The following GPHN variants were observed in gnomAD, a reference collection of about 807,000 sequenced individuals.
The protein encoded by GPHN is gephyrin.
In GPHN, 17 loss-of-function variants were observed where a neutral mutation model predicts 95.5. The ratio of observed to expected loss-of-function variants is 0.18; its 90% CI spans 0.12 to 0.27. GPHN has a LOEUF of 0.27. GPHN is among the 10% of genes least tolerant of loss of function. GPHN has a pLI of 1.00. For synonymous variants in GPHN, 320 were observed against 322.5 expected, an observed-to-expected ratio of 0.99 and a Z score of 0.08; for missense variants, 660 against 978.1, an observed-to-expected ratio of 0.67 and a Z score of 4.34.
intron 10 of GPHN, among the ~76,000 whole-genome samples, chr14:67,044,662 T>C (rs1467455132): frequency 6.6e-6 from 1 of 152,180 alleles, no homozygotes; most frequent in Non-Finnish European, 1.5e-5. Flanking sequence ...GTTGTTGTTT[T>C]AAAAGCATAC....
the GPHN span, chr14:67,320,314 T>C: frequency 1.9e-6 from 3 of 1,614,062 alleles, no homozygotes; most frequent in Non-Finnish European, 2.5e-6. Context: ...ATCATCTTGA[T>C]TGGTCCACAG....
chr14:67,475,194 C>T, the GPHN span, among the ~76,000 whole-genome samples: 15 of 152,264 alleles, frequency 9.9e-5, no homozygotes, highest in African/African-American at 3.1e-4. Context: ...GGATTACAGG[C>T]GTGAGCCACT....
At chr14:67,356,676 A>G in the GPHN span, among the ~76,000 whole-genome samples, 6 of 152,260 alleles carry the variant, frequency 3.9e-5, no homozygotes, top group East Asian at 3.9e-4. Context: ...GACTTTCCCA[A>G]TGCTCAAACT....
chr14:66,923,403 T>G (rs1056986361), intron 7 of GPHN, among the ~76,000 whole-genome samples: 2 of 152,126 alleles, frequency 1.3e-5, no homozygotes, highest in South Asian at 2.1e-4. Context: ...ATTGTTGAAT[T>G]TTTCTTAACT....
chr14:67,062,379 C>G (rs956365167), intron 11 of GPHN, among the ~76,000 whole-genome samples: 6 of 152,230 alleles, frequency 3.9e-5, no homozygotes, highest in Admixed American at 6.5e-5. Flanking sequence ...TCTGCAAACA[C>G]TCTAACACCT....
At chr14:67,230,085 TTTC>T in the GPHN span, among the ~76,000 whole-genome samples, 1 of 152,204 alleles carries the variant, frequency 6.6e-6, no homozygotes, top group African/African-American at 2.4e-5. Context: ...TAGAAACTGT[TTTC>T]TTCATACAGA....
At chr14:66,603,683 A>G (rs1595187786) in intron 1 of GPHN, among the ~76,000 whole-genome samples, 1 of 152,104 alleles carries the variant, frequency 6.6e-6, no homozygotes, top group East Asian at 1.9e-4. Context: ...TATCTTAGAT[A>G]TTATCAAATG....
the GPHN span, among the ~76,000 whole-genome samples, chr14:67,324,632 T>C: frequency 6.6e-6 from 1 of 152,126 alleles, no homozygotes; most frequent in African/African-American, 2.4e-5. Context: ...TTGCCCAGGC[T>C]GGAGTGTAGT....
chr14:67,595,160 A>T, the GPHN span, among the ~76,000 whole-genome samples: 4 of 152,188 alleles, frequency 2.6e-5, no homozygotes, highest in South Asian at 6.2e-4. Context: ...TAAAAAAAAT[A>T]AAAAAGAACA....
chr14:67,005,947 A>T (rs2072576358), intron 9 of GPHN, among the ~76,000 whole-genome samples: 1 of 151,666 alleles, frequency 6.6e-6, no homozygotes, highest in Non-Finnish European at 1.5e-5. Flanking sequence ...AAAAGTAGGT[A>T]TATTGGTACT....
chr14:66,653,209 A>G lies in GPHN; in HGVS notation c.65-27898A>G, dbSNP rs111520587. Among the ~76,000 whole-genome samples the G allele has an allele frequency of 3.7e-3, 556 of 152,258 alleles. 12 individuals carry two copies. The highest frequency in any genetic ancestry group is 0.013 in the African/African-American group (530 of 41,566). ...CTTTCAGTGTTTTCTTTAAAAAGAA[A>G]GTGTGATGGTTTACTGGATATTTTG... On this transcript the variant is annotated intron_variant, in intron 1 of 22. Coordinates refer to ENST00000478722, the MANE Select transcript of GPHN (RefSeq NM_020806.5).
At chr14:66,554,900 G>A (rs2059950220) in intron 1 of GPHN, among the ~76,000 whole-genome samples, 1 of 152,144 alleles carries the variant, frequency 6.6e-6, no homozygotes, top group Admixed American at 6.5e-5. Context: ...ATTATGAAGG[G>A]CATTTTAAAT....
the GPHN span, among the ~76,000 whole-genome samples, chr14:67,297,937 T>C: frequency 6.6e-6 from 1 of 152,194 alleles, no homozygotes; most frequent in Non-Finnish European, 1.5e-5. Context: ...GTACATATTA[T>C]CTAGGCAAAT....
the GPHN span, among the ~76,000 whole-genome samples, chr14:67,218,353 G>A: frequency 6.6e-6 from 1 of 152,188 alleles, no homozygotes; most frequent in African/African-American, 2.4e-5. Flanking sequence ...GTGATCTGGG[G>A]GCATGTTTAC....
At chr14:67,003,221 TTA>T (rs1028232890) in intron 9 of GPHN, among the ~76,000 whole-genome samples, 117 of 151,782 alleles carry the variant, frequency 7.7e-4, no homozygotes, top group African/African-American at 2.6e-3. Context: ...TTGTATTCTA[TTA>T]TATGTCATAC....
the GPHN span, among the ~76,000 whole-genome samples, chr14:67,709,363 C>T: frequency 1.3e-5 from 2 of 152,156 alleles, no homozygotes; most frequent in Admixed American, 6.5e-5. Context: ...ATTCATTTTT[C>T]AAAATTTTAT....
At chr14:67,268,338 C>T in the GPHN span, among the ~76,000 whole-genome samples, 3 of 152,266 alleles carry the variant, frequency 2.0e-5, no homozygotes, top group Admixed American at 6.5e-5. Context: ...ATCTGTTACC[C>T]GAAGGGGGTC....
At chr14:67,511,355 A>G in the GPHN span, among the ~76,000 whole-genome samples, 1 of 23,124 alleles carries the variant, frequency 4.3e-5, no homozygotes, top group South Asian at 1.9e-3. Context: ...TTAAAAAAAC[A>G]AAAAAACAAA....
At chr14:67,727,543 T>C in the GPHN span, 1 of 318,010 alleles carries the variant, frequency 3.1e-6, no homozygotes, top group African/African-American at 2.2e-5. Flanking sequence ...AGTGCAGTAG[T>C]GCGATCTTGG....
Sources: gnomAD v4.1 joint callset for allele counts (sites outside exome capture counted in the v4.1 genomes callset) on GRCh38, gnomAD v4.1.1 for gene constraint, MANE v1.5 for transcripts, NCBI Gene and HGNC (gene_info 2026-07-23, HGNC 2026-07-21) for gene names.